The following FGF14 variants were observed in gnomAD, a reference collection of about 807,000 sequenced individuals.
The protein encoded by FGF14 is fibroblast growth factor homologous factor 4.
In FGF14, 5 loss-of-function variants were observed where a neutral mutation model predicts 25.5. That is an observed-to-expected ratio of 0.20 (90% CI 0.10 to 0.41). The LOEUF (loss-of-function observed/expected upper bound fraction) is 0.41. Ranked by LOEUF, FGF14 falls within the 10% of genes least tolerant of loss-of-function variation. FGF14 has a pLI of 1.00. For synonymous variants in FGF14, 138 were observed against 118.3 expected (o/e 1.17, Z -1.08); for missense variants, 222 against 320.1 (o/e 0.69, Z 2.34).
At chr13:102,234,177 C>T (rs1270113838) in intron 1 of FGF14, among the ~76,000 whole-genome samples, 2 of 152,070 alleles carry the variant, frequency 1.3e-5, no homozygotes, top group Admixed American at 6.5e-5. Flanking sequence ...ACCACAGAAA[C>T]ATACACTTAA....
intron 1 of FGF14, among the ~76,000 whole-genome samples, chr13:102,330,039 A>G (rs767686008): frequency 1.1e-4 from 16 of 152,272 alleles, no homozygotes; most frequent in Non-Finnish European, 1.6e-4. Context: ...CTCTGATCAC[A>G]CAACCGCTAA....
intron 1 of FGF14, among the ~76,000 whole-genome samples, chr13:102,045,220 A>G (rs61966523): frequency 0.061 from 9,341 of 152,218 alleles, 342 homozygotes; most frequent in Middle Eastern, 0.082. Flanking sequence ...ATGTCACATC[A>G]GCTAAATATA....
At chr13:102,154,885 T>G (rs2140523936) in intron 1 of FGF14, among the ~76,000 whole-genome samples, 1 of 151,132 alleles carries the variant, frequency 6.6e-6, no homozygotes, top group Admixed American at 6.6e-5. Context: ...AAAACAGACT[T>G]TAAACCAACA....
At chr13:102,041,247 T>C (rs2041721002) in intron 1 of FGF14, among the ~76,000 whole-genome samples, 1 of 152,110 alleles carries the variant, frequency 6.6e-6, no homozygotes, top group Non-Finnish European at 1.5e-5. Flanking sequence ...TGCATCTCAA[T>C]ATATAAATGA....
intron 1 of FGF14, among the ~76,000 whole-genome samples, chr13:101,892,033 CA>C (rs2029867139): frequency 6.6e-6 from 1 of 152,054 alleles, no homozygotes; most frequent in Non-Finnish European, 1.5e-5. Flanking sequence ...AAAAGCTATC[CA>C]ATTACTTGGC....
In FGF14 at chr13:101,825,097, T is replaced by C. The variant is rs534623065; in HGVS notation, c.408+43628A>G. Among the ~76,000 whole-genome samples the C allele has an allele frequency of 1.1e-4, 16 of 152,330 alleles. No individual in the cohort carries two copies. The East Asian group carries it at 2.5e-3, about 24-fold the overall frequency. On this transcript the variant is annotated intron_variant, in intron 3 of 4. Transcript: ENST00000376143. ...TTCTGTAAACCACTCTAGCAACTGA[T>C]GGAACCTGAGGAAGAGGTGGGAAGC...
intron 3 of FGF14, among the ~76,000 whole-genome samples, chr13:101,849,465 G>T (rs1333055155): frequency 6.6e-6 from 1 of 152,044 alleles, no homozygotes; most frequent in Non-Finnish European, 1.5e-5. Flanking sequence ...TCCAACTCAA[G>T]CTTCTCCACA....
At chr13:102,385,492 C>T (rs1384432297) in intron 1 of FGF14, among the ~76,000 whole-genome samples, 1 of 152,200 alleles carries the variant, frequency 6.6e-6, no homozygotes, top group Non-Finnish European at 1.5e-5. Flanking sequence ...TCTTCAATTA[C>T]ATCCTATTCT....
chr13:101,873,572 G>C (rs75677922), intron 2 of FGF14, among the ~76,000 whole-genome samples: 6,794 of 152,074 alleles, frequency 0.045, 416 homozygotes, highest in African/African-American at 0.13. Flanking sequence ...ATTATGAATC[G>C]CTAAACTTTG....
intron 1 of FGF14, among the ~76,000 whole-genome samples, chr13:102,321,984 G>T (rs1382106456): frequency 6.6e-6 from 1 of 152,162 alleles, no homozygotes; most frequent in Admixed American, 6.5e-5. Flanking sequence ...GTTTGACCCA[G>T]ACAGGATTAG....
At chr13:102,115,572 G>GT (rs1396363044) in intron 1 of FGF14, among the ~76,000 whole-genome samples, 2 of 152,166 alleles carry the variant, frequency 1.3e-5, no homozygotes, top group South Asian at 2.1e-4. Flanking sequence ...TAACGGGGTT[G>GT]TTTTTTGCCT....
intron 1 of FGF14, among the ~76,000 whole-genome samples, chr13:101,922,791 A>G (rs1472850980): frequency 7.2e-5 from 11 of 151,840 alleles, no homozygotes; most frequent in Admixed American, 2.0e-4. Flanking sequence ...TTCCAAGTAG[A>G]TAAGTTTCGA....
intron 3 of FGF14, among the ~76,000 whole-genome samples, chr13:101,825,128 T>C (rs574481911): frequency 6.6e-6 from 1 of 152,322 alleles, no homozygotes; most frequent in South Asian, 2.1e-4. Context: ...GAAGCCACAA[T>C]TTACAGCTGG....
In FGF14 at chr13:101,780,693, A is replaced by G. The variant is rs74121010; in HGVS notation, c.409-53883T>C. Among the ~76,000 whole-genome samples the G allele has an allele frequency of 6.7e-3, 1,015 of 152,136 alleles. 14 individuals carry two copies. The highest frequency in any genetic ancestry group is 0.023 in the African/African-American group (975 of 41,502). On this transcript the variant is annotated intron_variant, in intron 3 of 4. Coordinates refer to ENST00000376143, the MANE Select transcript of FGF14 (RefSeq NM_004115.4). ...TTTAAGAAACCCTTATTAAACCTTT[A>G]AAACTGATTTTTCCCACTCCCTTCA...
At chr13:102,392,533 G>A (rs1394653653) in intron 1 of FGF14, among the ~76,000 whole-genome samples, 2 of 152,096 alleles carry the variant, frequency 1.3e-5, no homozygotes, top group African/African-American at 4.8e-5. Context: ...AATCTAGAAA[G>A]AGAAGCTTGT....
intron 1 of FGF14, among the ~76,000 whole-genome samples, chr13:102,285,852 C>T (rs2054068893): frequency 6.6e-6 from 1 of 152,138 alleles, no homozygotes; most frequent in Non-Finnish European, 1.5e-5. Flanking sequence ...CAGCTTGTAA[C>T]ACATGAAGTC....
rs555215304 is a variant in FGF14 at position 102,148,675 on chromosome 13, G to A, written c.208+252796C>T. ...ATACAAAAAATTAGCCATGCATGGC[G>A]GCATGCAACTGTAGTCCCAGCTACT... On this transcript the variant is annotated intron_variant, in intron 1 of 4. Transcript: ENST00000376131. 9.2e-5 allele frequency among the ~76,000 whole-genome samples: 14 copies of A among 152,198 alleles called. No individual in the cohort carries two copies. In the East Asian group the frequency reaches 2.5e-3, roughly 27 times the overall value.
chr13:102,070,956 AAC>A (rs56002219), intron 1 of FGF14, among the ~76,000 whole-genome samples: 3,187 of 148,788 alleles, frequency 0.021, 116 homozygotes, highest in African/African-American at 0.075. Context: ...AACAAAACAA[AAC>A]ACACACACAC....
chr13:102,215,736 T>A (rs2050344118), intron 1 of FGF14, among the ~76,000 whole-genome samples: 1 of 152,228 alleles, frequency 6.6e-6, no homozygotes, highest in African/African-American at 2.4e-5. Context: ...CTTCCTGAGA[T>A]AATATGCTTT....
Sources: allele counts gnomAD v4.1 joint callset (sites outside exome capture counted in the v4.1 genomes callset), GRCh38; gene constraint gnomAD v4.1.1; transcripts MANE v1.5; gene names NCBI Gene and HGNC (gene_info 2026-07-23, HGNC 2026-07-21).